COL5A1: variants seen among roughly 807,000 people sequenced by gnomAD.
COL5A1 encodes the protein collagen type V alpha 1 chain.
Under a neutral mutation model 263.7 loss-of-function variants are expected in COL5A1, and 16 were observed. The ratio of observed to expected loss-of-function variants is 0.06; its 90% CI spans 0.04 to 0.09. The LOEUF is 0.09. Among genes scored for constraint, COL5A1 ranks in the 10% least tolerant of loss-of-function variants. COL5A1 has a pLI of 1.00. For missense variants in COL5A1, 2,036 were observed against 2,540.5 expected (o/e 0.80, Z 4.27); for synonymous variants, 1,012 against 1,004.5 (o/e 1.01, Z -0.14).
chr9:134,778,645 C>T (rs1334520007), intron 27 of COL5A1, among the ~76,000 whole-genome samples: 2 of 152,208 alleles, frequency 1.3e-5, no homozygotes, highest in South Asian at 2.1e-4. Context: ...AGAGCTGCTC[C>T]GAGCCCACCT....
chr9:134,803,345 C>T (rs1336485588), intron 39 of COL5A1, among the ~76,000 whole-genome samples: 2 of 152,182 alleles, frequency 1.3e-5, no homozygotes, highest in African/African-American at 4.8e-5. Flanking sequence ...TTAAAAACCC[C>T]TCACCCCAGC....
intron 11 of COL5A1, among the ~76,000 whole-genome samples, chr9:134,744,950 C>T (rs955343460): frequency 5.9e-5 from 9 of 152,270 alleles, no homozygotes; most frequent in East Asian, 3.8e-4. Context: ...TACATGCACG[C>T]GTGCGCTGTC....
At chr9:134,774,698 C>T (rs747968045) in intron 26 of COL5A1, among the ~76,000 whole-genome samples, 161 bp from the exon 27 acceptor site, 1 of 152,214 alleles carries the variant, frequency 6.6e-6, no homozygotes, top group Non-Finnish European at 1.5e-5. Flanking sequence ...GCTGTGAACA[C>T]CTGTGCGAGT....
In COL5A1 at chr9:134,696,585, C is replaced by T. The variant is rs539242079; in HGVS notation, c.278-3324C>T. On this transcript the variant is annotated intron_variant, in intron 2 of 65. Transcript: ENST00000371817. The surrounding 1 kb of genome is among the most constrained non-coding windows in gnomAD (Gnocchi z 4.3). The stretch of plus-strand genomic sequence containing the variant: ...CTGTCCTTTGACTGTGTCACCCCAG[C>T]GCCTGGCACCAATCACTGTTTATTA... Among the ~76,000 whole-genome samples the T allele has an allele frequency of 4.1e-4, 62 of 152,352 alleles. 1 individual carries two copies. In the South Asian group the frequency reaches 8.3e-3, roughly 20 times the overall value.
At chr9:134,775,376 CCACCGATAG>C (rs2132749130) in intron 27 of COL5A1, among the ~76,000 whole-genome samples, 1 of 152,378 alleles carries the variant, frequency 6.6e-6, no homozygotes, top group South Asian at 2.1e-4. Context: ...GAGTCTGTCT[CCACCGATAG>C]CATCTGGGTG....
chr9:134,772,299 G>C (rs1341086639), intron 25 of COL5A1, among the ~76,000 whole-genome samples: 1 of 152,222 alleles, frequency 6.6e-6, no homozygotes, highest in Non-Finnish European at 1.5e-5. Flanking sequence ...CTCAGCAATT[G>C]CTAGTCCGGG....
intron 1 of COL5A1, among the ~76,000 whole-genome samples, chr9:134,684,870 T>A (rs1388307794): frequency 6.6e-6 from 1 of 152,216 alleles, no homozygotes; most frequent in Non-Finnish European, 1.5e-5. Flanking sequence ...GTTCACTGAT[T>A]GATCCATCCA....
intron 24 of COL5A1, 22 bp from the exon 25 acceptor site, chr9:134,768,388 T>G (rs1286034499): frequency 1.9e-6 from 3 of 1,612,216 alleles, no homozygotes; most frequent in African/African-American, 2.7e-5. Flanking sequence ...CATCTCCTCA[T>G]GGAGTCTCTG....
At chr9:134,656,634 G>A (rs1298210303) in intron 1 of COL5A1, among the ~76,000 whole-genome samples, 2 of 152,052 alleles carry the variant, frequency 1.3e-5, no homozygotes, top group Non-Finnish European at 2.9e-5. Context: ...GTGCACTCGT[G>A]GTATTGATAA....
At chr9:134,719,043 T>C (rs1042361266) in intron 4 of COL5A1, among the ~76,000 whole-genome samples, 1 of 152,182 alleles carries the variant, frequency 6.6e-6, no homozygotes, top group Non-Finnish European at 1.5e-5. Flanking sequence ...CAACACAACC[T>C]GTCACGTTGG....
intron 4 of COL5A1, among the ~76,000 whole-genome samples, chr9:134,707,065 G>A (rs1833859701): frequency 6.6e-6 from 1 of 152,198 alleles, no homozygotes; most frequent in Non-Finnish European, 1.5e-5. Flanking sequence ...GAGGCTGGGA[G>A]GCGGGACTAA....
intron 65 of COL5A1, among the ~76,000 whole-genome samples, chr9:134,839,039 C>T (rs1839934924): frequency 1.3e-5 from 2 of 152,362 alleles, no homozygotes; most frequent in African/African-American, 4.8e-5. Flanking sequence ...GCCCTGATGC[C>T]CCGAACTCGG....
In COL5A1 at chr9:134,793,726, G is replaced by A. The variant is rs573622416; in HGVS notation, c.2701-1356G>A. 1.1e-3 allele frequency among the ~76,000 whole-genome samples: 172 copies of A among 152,344 alleles called. 2 individuals are homozygous for A. The highest frequency in any genetic ancestry group is 6.8e-3 in the Middle Eastern group (2 of 294). On this transcript the variant is annotated intron_variant, in intron 32 of 65. Transcript: ENST00000371817. ...AATGCCAGGAGTCATCAGGTTGGCC[G>A]TGGGCATCCTCGCCTGTAGAACGCC...
At chr9:134,679,162 T>C (rs1054376376) in intron 1 of COL5A1, among the ~76,000 whole-genome samples, 1 of 152,144 alleles carries the variant, frequency 6.6e-6, no homozygotes, top group Non-Finnish European at 1.5e-5. Context: ...CTCCTTGTCT[T>C]GTGTCTTGTG....
chr9:134,726,458 G>A (rs545686161), intron 4 of COL5A1, among the ~76,000 whole-genome samples: 2 of 152,214 alleles, frequency 1.3e-5, no homozygotes, highest in Admixed American at 1.3e-4. Flanking sequence ...GAATGGATGA[G>A]TGGATGGATG....
In COL5A1 at chr9:134,742,243, C is replaced by A. The variant is rs2132662385; in HGVS notation, c.1494+3435C>A. ...TTTCTTGCTCTTGTGCCCACGGCTG[C>A]CCGCAGGGAGCAGAGTGCAAGGAGA... On this transcript the variant is annotated intron_variant, in intron 11 of 65. Coordinates refer to ENST00000371817, the MANE Select transcript of COL5A1 (RefSeq NM_000093.5). This position sits in a 1 kb window ranked among gnomAD's most constrained non-coding sequence, Gnocchi z 4.6. Among the ~76,000 whole-genome samples, 1 of 152,296 alleles carries A rather than the reference C, an allele frequency of 6.6e-6. No homozygotes were observed. Among genetic ancestry groups the A allele is most frequent in the African/African-American group, 2.4e-5 (1 of 41,562 alleles).
At chr9:134,761,796 C>T in intron 18 of COL5A1, 129 bp from the exon 19 acceptor site, 2 of 944,288 alleles carry the variant, frequency 2.1e-6, no homozygotes, top group African/African-American at 1.6e-5. Context: ...AAAATTCCCC[C>T]ATTCTGGAAG....
At chr9:134,787,383 G>T (rs1837500893) in intron 31 of COL5A1, among the ~76,000 whole-genome samples, 1 of 152,190 alleles carries the variant, frequency 6.6e-6, no homozygotes, top group Non-Finnish European at 1.5e-5. Flanking sequence ...CGTGTGAGTG[G>T]CTTGGCTGAA....
At chr9:134,694,242 G>A (rs1345045710) in intron 2 of COL5A1, among the ~76,000 whole-genome samples, 1 of 152,266 alleles carries the variant, frequency 6.6e-6, no homozygotes, top group South Asian at 2.1e-4. Context: ...CGGGGGTGGG[G>A]GTTTGGAGAC....
Sources: gnomAD v4.1 joint callset for allele counts (sites outside exome capture counted in the v4.1 genomes callset) on GRCh38, gnomAD v4.1.1 for gene constraint, Gnocchi (gnomAD v3.1) non-coding constraint, MANE v1.5 for transcripts, NCBI Gene and HGNC (gene_info 2026-07-23, HGNC 2026-07-21) for gene names.